Variants in LYPD6 observed in about 807,000 individuals in gnomAD.
The protein encoded by LYPD6 is LY6/PLAUR domain containing 6, also known as ly6/PLAUR domain-containing protein 6.
LYPD6 carries 15 observed loss-of-function variants against 22.7 expected under a neutral mutation model. The observed-to-expected ratio is 0.66, with a 90% CI of 0.44 to 1.02. LYPD6 has a LOEUF of 1.02. LYPD6 is among the 50% of genes least tolerant of loss of function. LYPD6 has a pLI of 0.00. For missense variants in LYPD6, 189 were observed against 208.4 expected, an observed-to-expected ratio of 0.91 and a Z score of 0.57; for synonymous variants, 72 against 77.5, an observed-to-expected ratio of 0.93 and a Z score of 0.37.
intron 1 of LYPD6, among the ~76,000 whole-genome samples, chr2:149,356,431 T>G (rs1266894918): frequency 6.6e-6 from 1 of 152,226 alleles, no homozygotes; most frequent in Non-Finnish European, 1.5e-5. Flanking sequence ...CGAGATGTTT[T>G]CCTTCCCTAC....
chr2:149,334,632 C>G (rs1306624179), intron 1 of LYPD6, among the ~76,000 whole-genome samples: 1 of 152,046 alleles, frequency 6.6e-6, no homozygotes, highest in Non-Finnish European at 1.5e-5. Flanking sequence ...TGACTGGTGT[C>G]CTTGGGGGCT....
intron 1 of LYPD6, among the ~76,000 whole-genome samples, chr2:149,336,026 A>G (rs1436114990): frequency 3.3e-5 from 5 of 152,186 alleles, no homozygotes; most frequent in Admixed American, 3.3e-4. Flanking sequence ...GTTTGTTGCC[A>G]AGTGTTGCAG....
intron 3 of LYPD6, among the ~76,000 whole-genome samples, chr2:149,453,675 G>T (rs1272408693): frequency 1.3e-5 from 2 of 152,206 alleles, no homozygotes; most frequent in Admixed American, 6.5e-5. Context: ...ATGTAAATGT[G>T]ATCCTCAGCT....
chr2:149,464,023 A>G, intron 3 of LYPD6: 2 of 359,172 alleles, frequency 5.6e-6, no homozygotes, highest in Non-Finnish European at 1.1e-5. Flanking sequence ...ATTTGGGGAA[A>G]CTAGGTAAAA....
chr2:149,411,317 A>G (rs917212465), intron 1 of LYPD6, among the ~76,000 whole-genome samples: 19 of 150,298 alleles, frequency 1.3e-4, no homozygotes, highest in African/African-American at 2.4e-5. Flanking sequence ...TTTTTTTTTT[A>G]TAAACAGGTA....
At chr2:149,437,208 G>T (rs948635723) in intron 1 of LYPD6, among the ~76,000 whole-genome samples, 8 of 152,130 alleles carry the variant, frequency 5.3e-5, no homozygotes, top group Admixed American at 6.5e-5. Flanking sequence ...CTGAAAGTCT[G>T]CCCTGTACAG....
chr2:149,452,568 A>G (rs1390658249), intron 3 of LYPD6, among the ~76,000 whole-genome samples: 3 of 152,194 alleles, frequency 2.0e-5, no homozygotes, highest in Admixed American at 6.5e-5. Flanking sequence ...GCTTTGTGAC[A>G]TAGTTAACTG....
At chr2:149,467,288 AG>A (rs1220576384) in intron 3 of LYPD6, among the ~76,000 whole-genome samples, 1 of 152,198 alleles carries the variant, frequency 6.6e-6, no homozygotes, top group Non-Finnish European at 1.5e-5. Context: ...AGTGTGGGAC[AG>A]CATTTAGGGG....
At chr2:149,450,089 C>A (rs1683774418) in intron 3 of LYPD6, among the ~76,000 whole-genome samples, 1 of 152,136 alleles carries the variant, frequency 6.6e-6, no homozygotes, top group Non-Finnish European at 1.5e-5. Flanking sequence ...GTACTCTAAC[C>A]CAGGAGCCTC....
At chr2:149,475,161 G>A (rs1175614849), downstream of LYPD6, among the ~76,000 whole-genome samples, 2 of 152,158 alleles carry the variant, frequency 1.3e-5, no homozygotes, top group Admixed American at 6.5e-5. Context: ...GTGCCTTGGC[G>A]GTGTTACAGT....
intron 1 of LYPD6, among the ~76,000 whole-genome samples, chr2:149,348,061 CAAAAAAAAAAAAAA>C (rs58228847): frequency 0.047 from 3,592 of 76,804 alleles, 179 homozygotes; most frequent in African/African-American, 0.14. Flanking sequence ...ACTAAAAATA[CAAAAAAAAAAAAAA>C]AAAAAAAAAA....
At chr2:149,367,465 A>G (rs748287960) in intron 1 of LYPD6, among the ~76,000 whole-genome samples, 2 of 152,104 alleles carry the variant, frequency 1.3e-5, no homozygotes, top group Non-Finnish European at 2.9e-5. Context: ...TTGGTTAGAG[A>G]GTCACTAGAA....
At chr2:149,335,436 A>C (rs1225673288) in intron 1 of LYPD6, among the ~76,000 whole-genome samples, 1 of 152,228 alleles carries the variant, frequency 6.6e-6, no homozygotes, top group African/African-American at 2.4e-5. Context: ...AGTTTGTACC[A>C]TGTGTTTGTG....
intron 1 of LYPD6, among the ~76,000 whole-genome samples, chr2:149,413,096 T>TA (rs1211026513): frequency 2.0e-5 from 3 of 152,220 alleles, no homozygotes; most frequent in Non-Finnish European, 4.4e-5. Context: ...CTTGACTTTA[T>TA]AAAGGATCAA....
intron 1 of LYPD6, among the ~76,000 whole-genome samples, chr2:149,412,373 T>G (rs1682870559): frequency 6.6e-6 from 1 of 152,040 alleles, no homozygotes; most frequent in East Asian, 1.9e-4. Flanking sequence ...TTTTTTTTTT[T>G]GTGGACTGGT....
At chr2:149,392,167 A>C (rs1045483407) in intron 1 of LYPD6, among the ~76,000 whole-genome samples, 2 of 152,046 alleles carry the variant, frequency 1.3e-5, no homozygotes, top group Non-Finnish European at 2.9e-5. Flanking sequence ...TAGGGCACTA[A>C]TCTCATCATG....
intron 1 of LYPD6, among the ~76,000 whole-genome samples, chr2:149,436,816 C>G (rs1683441394): frequency 6.6e-6 from 1 of 152,218 alleles, no homozygotes; most frequent in African/African-American, 2.4e-5. Flanking sequence ...CTCCCAACCT[C>G]AGGCGATCCA....
intron 2 of LYPD6, among the ~76,000 whole-genome samples, chr2:149,438,727 C>T (rs1165589629): frequency 6.6e-6 from 1 of 152,202 alleles, no homozygotes; most frequent in Non-Finnish European, 1.5e-5. Flanking sequence ...GTGAAGGCAG[C>T]CATGTGGACT....
chr2:149,415,284 G>A (rs147170708), intron 1 of LYPD6, among the ~76,000 whole-genome samples: 2,945 of 152,242 alleles, frequency 0.019, 49 homozygotes, highest in Middle Eastern at 0.078. Context: ...ATCAACTCTC[G>A]TCCTTAGACT....
Sources: allele counts gnomAD v4.1 joint callset (sites outside exome capture counted in the v4.1 genomes callset), GRCh38; gene constraint gnomAD v4.1.1; transcripts MANE v1.5; gene names NCBI Gene and HGNC (gene_info 2026-07-23, HGNC 2026-07-21).